ING2: variants seen among roughly 807,000 people sequenced by gnomAD.
ING2 encodes the protein inhibitor of growth protein 2.
Under a neutral mutation model 30.6 loss-of-function variants are expected in ING2, and 7 were observed. The ratio of observed to expected loss-of-function variants is 0.23; its 90% CI spans 0.13 to 0.43. The LOEUF (loss-of-function observed/expected upper bound fraction) is 0.43, where lower values mean the gene tolerates loss of function less well. Ranked by LOEUF, ING2 falls within the 20% of genes least tolerant of loss-of-function variation. The pLI is 1.00. For missense variants in ING2, 239 were observed against 334.9 expected, an observed-to-expected ratio of 0.71 and a Z score of 2.24; for synonymous variants, 136 against 121.7, an observed-to-expected ratio of 1.12 and a Z score of -0.78.
rs535061773 is a variant in ING2 at position 183,510,552 on chromosome 4, C to T, written c.443C>T (p.Ser148Phe). ...ATGGATTCCAGCCAACCAGAAAGATCTTCAAGAAGACCCCGCAGGCAGCGG... is the reference window on the plus strand; with the variant it reads ...ATGGATTCCAGCCAACCAGAAAGATTTTCAAGAAGACCCCGCAGGCAGCGG... ...AKMDSSQPER[S>F]SRRPRRQRTS... Residue 148 changes from serine (S) to phenylalanine (F), a missense_variant, in exon 2 of 2, where the codon TCT (serine) becomes TTT (phenylalanine). Ser to Phe is a radical substitution (Grantham distance 155, BLOSUM62 -2). This residue lies in a region of ING2 where 115 missense variants were observed against 120.1 expected (regional missense o/e 0.96). Transcript: ENST00000302327. The T allele has an allele frequency of 3.7e-6, 6 of 1,614,086 alleles. No homozygotes were observed. In the South Asian group the frequency reaches 5.5e-5, roughly 15 times the overall value.
At position 183,512,278 on chromosome 4, in the gene ING2, G is replaced by T. The variant is rs115684706; in HGVS notation, c.*1326G>T. 5.6e-3 allele frequency among the ~76,000 whole-genome samples: 856 copies of T among 152,020 alleles called. 3 individuals are homozygous for T. The highest frequency in any genetic ancestry group is 0.011 in the Non-Finnish European group (715 of 68,004). On this transcript the variant is annotated 3_prime_UTR_variant, in exon 2 of 2. Transcript: ENST00000302327. The stretch of plus-strand genomic sequence containing the variant: ...GCTTTTTTTCTCTTCTAGCTCTCCT[G>T]TGTGACTTTTAGGCATGTCATTTCA...
At position 183,512,232 on chromosome 4, in the gene ING2, C is replaced by T. The variant is rs1349967441; in HGVS notation, c.*1280C>T. Among the ~76,000 whole-genome samples, 1 of 150,858 alleles carries T rather than the reference C, an allele frequency of 6.6e-6. No individual in the cohort carries two copies. The highest frequency in any genetic ancestry group is 1.5e-5 in the Non-Finnish European group (1 of 67,738). ...TGATTAACATGAAAAATCCTGTCTG[C>T]TTGTTTTGGGAAAAAAAAATGCTTT... On this transcript the variant is annotated 3_prime_UTR_variant, in exon 2 of 2. Coordinates refer to ENST00000302327, the MANE Select transcript of ING2 (RefSeq NM_001564.4).
intron 1 of ING2, chr4:183,506,096 G>A (rs1734637762): frequency 8.4e-7 from 1 of 1,189,522 alleles, no homozygotes; most frequent in Non-Finnish European, 1.1e-6. Context: ...GAGGGGCGCG[G>A]CGCGCGTTCC....
chr4:183,507,609 G>C, intron 1 of ING2, among the ~76,000 whole-genome samples: 1 of 152,164 alleles, frequency 6.6e-6, no homozygotes, highest in East Asian at 1.9e-4. Context: ...GCTCTATGAA[G>C]TTTGTGATTA....
intron 1 of ING2, among the ~76,000 whole-genome samples, chr4:183,507,245 C>A (rs1209392181): frequency 3.3e-5 from 5 of 152,154 alleles, no homozygotes; most frequent in Non-Finnish European, 5.9e-5. Flanking sequence ...GGATTACAGG[C>A]AACTGCCATC....
chr4:183,505,231 G>C lies in ING2; in HGVS notation c.36G>C (p.Ser12=). The C allele has an allele frequency of 1.2e-6, 2 of 1,601,666 alleles. No individual in the cohort carries two copies. Among genetic ancestry groups the C allele is most frequent in the South Asian group, 1.1e-5 (1 of 89,414 alleles). Residue 12 remains serine (S), a synonymous_variant, in exon 1 of 2, where the codon TCG becomes TCC. Coordinates refer to ENST00000302327, the MANE Select transcript of ING2 (RefSeq NM_001564.4). The part of the protein sequence containing the change: ...LGQQQQQLYS[S]AALLTGERSR... ...AGCAGCAGCAGCAACTGTACTCGTC[G>C]GCCGCGCTCCTGACCGGGGAGCGGA...
chr4:183,510,444 A>G lies in ING2; in HGVS notation c.335A>G (p.Glu112Gly), dbSNP rs1734794856. The G allele has an allele frequency of 6.2e-7, 1 of 1,614,086 alleles. No individual in the cohort carries two copies. Among genetic ancestry groups the G allele is most frequent in the African/African-American group, 1.3e-5 (1 of 74,940 alleles). ...GTTACACAAATGCTCGAATTGGTGG[A>G]AAATCGGGCAAGACAAATGGAGTTA... is the stretch of plus-strand genomic sequence containing the variant. ...QIVTQMLELV[E>G]NRARQMELHS... The change falls in exon 2 of 2, where the codon GAA (glutamate) becomes GGA (glycine). Residue 112 changes from glutamate to glycine, a missense_variant. Physicochemically the swap from Glu to Gly is moderately conservative, Grantham distance 98. Transcript: ENST00000302327.
rs1734794931 is a variant in ING2 at position 183,510,453 on chromosome 4, C to G, written c.344C>G (p.Ala115Gly). The G allele has an allele frequency of 1.2e-6, 2 of 1,613,970 alleles. No individual in the cohort carries two copies. The highest frequency in any genetic ancestry group is 1.7e-5 in the Admixed American group (1 of 59,996). Residue 115 changes from alanine (A) to glycine (G), a missense_variant, in exon 2 of 2, where the codon GCA (alanine) becomes GGA (glycine). Around this residue, in one of 5 missense-constraint regions of ING2, gnomAD observed 115 missense variants for 120.1 expected, o/e 0.96. Transcript: ENST00000302327. ...TQMLELVENR[A>G]RQMELHSQCF... is the part of the protein sequence containing the mutation. Reference sequence around the variant, plus strand: ...ATGCTCGAATTGGTGGAAAATCGGGCAAGACAAATGGAGTTACACTCACAG... The same window carrying G: ...ATGCTCGAATTGGTGGAAAATCGGGGAAGACAAATGGAGTTACACTCACAG...
In ING2 at chr4:183,510,530, G is replaced by C. The variant is rs1311791518; in HGVS notation, c.421G>C (p.Asp141His). 7.4e-6 allele frequency: 12 copies of C among 1,613,938 alleles called. No homozygotes were observed. The highest frequency in any genetic ancestry group is 4.4e-5 in the South Asian group (4 of 91,090). Residue 141 changes from aspartate to histidine, a missense_variant, in exon 2 of 2, where the codon GAT (aspartate) becomes CAT (histidine). Asp to His is a moderately conservative substitution (Grantham distance 81, BLOSUM62 -1). Coordinates refer to ENST00000302327, the MANE Select transcript of ING2 (RefSeq NM_001564.4). ...SERASDKAKM[D>H]SSQPERSSRR... is the part of the protein sequence containing the mutation. ...ACGAGCCTCAGATAAAGCAAAGATGGATTCCAGCCAACCAGAAAGATCTTC... is the reference window on the plus strand; with the variant it reads ...ACGAGCCTCAGATAAAGCAAAGATGCATTCCAGCCAACCAGAAAGATCTTC...
At chr4:183,509,503 T>C (rs1317142603) in intron 1 of ING2, among the ~76,000 whole-genome samples, 6 of 151,408 alleles carry the variant, frequency 4.0e-5, no homozygotes, top group Non-Finnish European at 8.8e-5. Context: ...TGGAGTGCAG[T>C]GGCGCGATCT....
In ING2 at chr4:183,511,914, C is replaced by A. The variant is rs1226187849; in HGVS notation, c.*962C>A. 6.6e-6 allele frequency among the ~76,000 whole-genome samples: 1 copy of A among 152,204 alleles called. No homozygotes were observed. The highest frequency in any genetic ancestry group is 1.5e-5 in the Non-Finnish European group (1 of 68,030). ...GGTTATTGTTCATTTCTGTCCCAAT[C>A]AGTGACTATTTTAAATAATAGTGTA... On this transcript the variant is annotated 3_prime_UTR_variant, in exon 2 of 2. Coordinates refer to ENST00000302327, the MANE Select transcript of ING2 (RefSeq NM_001564.4).
chr4:183,509,509 G>A (rs1231209668), intron 1 of ING2, among the ~76,000 whole-genome samples: 1 of 151,026 alleles, frequency 6.6e-6, no homozygotes, highest in East Asian at 2.0e-4. Context: ...GCAGTGGCGC[G>A]ATCTCGGCTC....
At chr4:183,508,930 C>G (rs561492208) in intron 1 of ING2, among the ~76,000 whole-genome samples, 395 of 152,280 alleles carry the variant, frequency 2.6e-3, no homozygotes, top group Non-Finnish European at 4.3e-3. Flanking sequence ...ATTCCACGTG[C>G]CATACAACTA....
At chr4:183,508,906 A>T (rs570802218) in intron 1 of ING2, among the ~76,000 whole-genome samples, 1 of 152,152 alleles carries the variant, frequency 6.6e-6, no homozygotes, top group East Asian at 1.9e-4. Context: ...TTTTTACTTG[A>T]TTTAAGTAAG....
rs1464117247 is a variant in ING2 at position 183,511,464 on chromosome 4, A to C, written c.*512A>C. On this transcript the variant is annotated 3_prime_UTR_variant, in exon 2 of 2. Coordinates refer to ENST00000302327, the MANE Select transcript of ING2 (RefSeq NM_001564.4). ...GTCTTCTAGGAGTTTAAGGAACTGG[A>C]GATAAGAGTAATTTGGGATTCCATG... Among the ~76,000 whole-genome samples, 1 of 152,222 alleles carries C rather than the reference A, an allele frequency of 6.6e-6. No individual in the cohort carries two copies. Among genetic ancestry groups the C allele is most frequent in the African/African-American group, 2.4e-5 (1 of 41,448 alleles).
chr4:183,506,439 C>T lies in ING2; in HGVS notation c.172+1072C>T, dbSNP rs574529437. The T allele has an allele frequency of 4.8e-4, 292 of 609,588 alleles. 2 individuals are homozygous for T. The highest frequency in any genetic ancestry group is 4.8e-3 in the African/African-American group (252 of 52,874). The allele number at this position is 609,588 out of a possible 1,614,324, so 37.8% of individuals were successfully genotyped here. On this transcript the variant is annotated intron_variant, in intron 1 of 1. Coordinates refer to ENST00000302327, the MANE Select transcript of ING2 (RefSeq NM_001564.4). The stretch of plus-strand genomic sequence containing the variant: ...ACTTTAAGTGTGGAGGCGAAACCAC[C>T]CTTTGCCGGCCGACCCGGGAACCCG...
At chr4:183,505,415 T>TGTCCGGGGGA in intron 1 of ING2, 48 bp downstream of exon 1, 1 of 1,471,040 alleles carries the variant, frequency 6.8e-7, no homozygotes, top group Non-Finnish European at 9.1e-7. Context: ...GCGGGGAGCC[T>TGTCCGGGGGA]GTCCGGGGGA....
intron 1 of ING2, chr4:183,506,038 G>GGGCCCCCGCGCCGGGGGC (rs1203817841): frequency 1.0e-5 from 11 of 1,062,916 alleles, no homozygotes; most frequent in African/African-American, 3.5e-5. Context: ...GTGGCGGGGA[G>GGGCCCCCGCGCCGGGGGC]GGCCCCCGCG....
At chr4:183,509,125 T>G (rs926702341) in intron 1 of ING2, among the ~76,000 whole-genome samples, 1 of 152,224 alleles carries the variant, frequency 6.6e-6, no homozygotes, top group Non-Finnish European at 1.5e-5. Flanking sequence ...CCATTAAAAG[T>G]AAGATGATGG....
Sources: allele counts gnomAD v4.1 joint callset (sites outside exome capture counted in the v4.1 genomes callset), GRCh38; gene constraint gnomAD v4.1.1; regional missense constraint gnomAD v4.1.1; transcripts MANE v1.5; gene names NCBI Gene and HGNC (gene_info 2026-07-23, HGNC 2026-07-21).